The following EFCAB5 variants were observed in gnomAD, a reference collection of about 807,000 sequenced individuals.
The protein encoded by EFCAB5 is EF-hand calcium binding domain 5, also known as EF-hand calcium-binding domain-containing protein 5.
EFCAB5 carries 131 observed loss-of-function variants against 167.9 expected under a neutral mutation model. The observed-to-expected ratio is 0.78, with a 90% CI of 0.68 to 0.90. The LOEUF (loss-of-function observed/expected upper bound fraction) is 0.90. Among genes scored for constraint, EFCAB5 ranks in the 40% least tolerant of loss-of-function variants. The pLI is 0.00. For missense variants in EFCAB5, 1,663 were observed against 1,745.2 expected (o/e 0.95, Z 0.84); for synonymous variants, 574 against 602.8 (o/e 0.95, Z 0.70).
rs368373618 is a variant in EFCAB5, at chr17:30,051,096, A to G, written c.1201-22A>G. 3.7e-6 allele frequency: 6 copies of G among 1,611,840 alleles called. No individual in the cohort carries two copies. In the African/African-American group the frequency reaches 8.0e-5, roughly 22 times the overall value. Reference sequence around the variant, plus strand: ...CTTAAATCTCCTGTAACAACTAATCACAAACTTTCTTCTTTGCTTAGGTAG... The same window carrying G: ...CTTAAATCTCCTGTAACAACTAATCGCAAACTTTCTTCTTTGCTTAGGTAG... On this transcript the variant is annotated intron_variant, in intron 8 of 22. Transcript: ENST00000394835.
At position 30,054,059 on chromosome 17, in the gene EFCAB5, C is replaced by T. The variant is rs766734200; in HGVS notation, c.2105C>T (p.Ser702Phe). 4 of 1,599,126 alleles carry T rather than the reference C, an allele frequency of 2.5e-6. No individual in the cohort carries two copies. Among genetic ancestry groups the T allele is most frequent in the Admixed American group, 3.5e-5 (2 of 56,968 alleles). ...YIEVPLQEKR[S>F]WEQTYEEEIF... ...GAAGTCCCTCTACAGGAAAAGAGGT[C>T]TTGGGAACAAACATATGAAGAGGAA... The change falls in exon 10 of 23, where the codon TCT becomes TTT. Residue 702 changes from serine to phenylalanine, a missense_variant. By Grantham distance (155) the Ser-to-Phe change is radical. Coordinates refer to ENST00000394835, the MANE Select transcript of EFCAB5 (RefSeq NM_198529.4).
intron 22 of EFCAB5, 56 bp downstream of exon 22, chr17:30,092,992 T>C: frequency 2.2e-6 from 3 of 1,388,810 alleles, no homozygotes; most frequent in Non-Finnish European, 3.0e-6. Flanking sequence ...AAAACACAGT[T>C]GTGATTTTTA....
At chr17:30,007,893 C>T (rs1160698480) in intron 7 of EFCAB5, among the ~76,000 whole-genome samples, 1 of 151,546 alleles carries the variant, frequency 6.6e-6, no homozygotes, top group Non-Finnish European at 1.5e-5. Flanking sequence ...AGGCTGAGAC[C>T]TAGGAGGATT....
intron 4 of EFCAB5, among the ~76,000 whole-genome samples, chr17:29,974,995 C>A (rs1443826102): frequency 6.6e-6 from 1 of 151,690 alleles, no homozygotes; most frequent in African/African-American, 2.4e-5. Flanking sequence ...AGTTCAAGAC[C>A]AGCTTGGGCA....
At chr17:30,069,843 C>T (rs1043213580) in intron 14 of EFCAB5, among the ~76,000 whole-genome samples, 3 of 152,178 alleles carry the variant, frequency 2.0e-5, no homozygotes, top group Non-Finnish European at 4.4e-5. Context: ...CAGCCCATTT[C>T]GCAGCTGAAA....
intron 18 of EFCAB5, among the ~76,000 whole-genome samples, chr17:30,086,590 A>G (rs2071092263): frequency 8.6e-6 from 1 of 116,812 alleles, no homozygotes; most frequent in Non-Finnish European, 2.0e-5. Context: ...TACTAAAGAT[A>G]CAAAAAAAAA....
rs1044147795 is a variant in EFCAB5, at chr17:30,024,932, G to T, written c.1045-9298G>T. Among the ~76,000 whole-genome samples the T allele has an allele frequency of 1.7e-4, 26 of 151,034 alleles. 1 individual carries two copies. The highest frequency in any genetic ancestry group is 1.4e-3 in the Admixed American group (21 of 15,206). ...AAACCTGAGAAAAACAAGCAATGGG[G>T]AAAGGATTCCCTATTTAATCAATGG... is the stretch of plus-strand genomic sequence containing the variant. On this transcript the variant is annotated intron_variant, in intron 7 of 22. Transcript: ENST00000394835.
At chr17:30,017,335 A>G (rs1443160547) in intron 7 of EFCAB5, among the ~76,000 whole-genome samples, 1 of 152,190 alleles carries the variant, frequency 6.6e-6, no homozygotes, top group Non-Finnish European at 1.5e-5. Context: ...GTGATACAGG[A>G]CCATTAAAAA....
intron 4 of EFCAB5, among the ~76,000 whole-genome samples, chr17:29,977,978 T>G (rs1399886217): frequency 6.6e-6 from 1 of 152,184 alleles, no homozygotes; most frequent in Non-Finnish European, 1.5e-5. Context: ...TTTGTATTTT[T>G]TTTAAAAAAA....
chr17:30,100,793 AG>A (rs1443536535), intron 22 of EFCAB5, among the ~76,000 whole-genome samples: 8 of 152,294 alleles, frequency 5.3e-5, no homozygotes, highest in Admixed American at 3.9e-4. Context: ...ATTTAAGCAA[AG>A]ATGTGAAGGA....
At chr17:30,092,743 A>C in intron 21 of EFCAB5, 97 bp from the exon 22 acceptor site, 1 of 789,296 alleles carries the variant, frequency 1.3e-6, no homozygotes, top group Non-Finnish European at 2.0e-6. Flanking sequence ...GCCTATTTTA[A>C]AATCTATATA....
At chr17:29,954,825 C>A (rs1251282387) in intron 3 of EFCAB5, among the ~76,000 whole-genome samples, 2 of 152,214 alleles carry the variant, frequency 1.3e-5, no homozygotes, top group African/African-American at 4.8e-5. Context: ...GGAGCTGTAC[C>A]CTGCAAAGCC....
rs375921550 is a variant in EFCAB5, at chr17:30,082,934, G to C, written c.3470G>C (p.Ser1157Thr). 1.9e-5 allele frequency: 31 copies of C among 1,613,782 alleles called. No individual in the cohort carries two copies. Among genetic ancestry groups the C allele is most frequent in the Non-Finnish European group, 2.6e-5 (31 of 1,179,882 alleles). Residue 1157 changes from serine (S) to threonine (T), a missense_variant, in exon 18 of 23, where the codon AGC becomes ACC. By Grantham distance (58) the Ser-to-Thr change is moderately conservative. Coordinates refer to ENST00000394835, the MANE Select transcript of EFCAB5 (RefSeq NM_198529.4). ...VFSTAYHYVH[S>T]REHILHIVIT... ...AGCACTGCCTATCACTACGTCCACA[G>C]CCGGGAGCACATTCTGCATATTGTG...
intron 17 of EFCAB5, 96 bp downstream of exon 17, chr17:30,081,077 G>A (rs2070980302): frequency 2.2e-6 from 2 of 925,992 alleles, no homozygotes; most frequent in Non-Finnish European, 1.6e-6. Flanking sequence ...GAGTAAAGCT[G>A]TGTATACAGA....
intron 8 of EFCAB5, among the ~76,000 whole-genome samples, chr17:30,043,442 GACT>G (rs778145662): frequency 3.3e-5 from 5 of 151,798 alleles, no homozygotes; most frequent in Non-Finnish European, 5.9e-5. Flanking sequence ...TGTATTCACA[GACT>G]ACATGATCTT....
At chr17:29,953,777 C>T (rs1232452549) in intron 3 of EFCAB5, among the ~76,000 whole-genome samples, 2 of 152,208 alleles carry the variant, frequency 1.3e-5, no homozygotes, top group Admixed American at 1.3e-4. Flanking sequence ...GAGGTTGGAA[C>T]AGTTTGTAGA....
intron 1 of EFCAB5, 30 bp from the exon 2 acceptor site, chr17:29,942,210 T>A (rs1196166517): frequency 2.6e-6 from 4 of 1,549,838 alleles, no homozygotes; most frequent in Admixed American, 2.1e-5. Flanking sequence ...TCTTTTTGGA[T>A]GCCATTTACT....
intron 4 of EFCAB5, among the ~76,000 whole-genome samples, chr17:29,980,397 C>G (rs1398306727): frequency 6.6e-6 from 1 of 152,218 alleles, no homozygotes; most frequent in African/African-American, 2.4e-5. Flanking sequence ...ACTTCCCACA[C>G]ATTTTTTAAC....
intron 22 of EFCAB5, among the ~76,000 whole-genome samples, chr17:30,103,877 C>A (rs1284496807): frequency 6.6e-6 from 1 of 152,058 alleles, no homozygotes; most frequent in Non-Finnish European, 1.5e-5. Flanking sequence ...ATTAGCCAGG[C>A]GTGCATGCCT....
Sources: gnomAD v4.1 joint callset for allele counts (sites outside exome capture counted in the v4.1 genomes callset) on GRCh38, gnomAD v4.1.1 for gene constraint, MANE v1.5 for transcripts, NCBI Gene and HGNC (gene_info 2026-07-23, HGNC 2026-07-21) for gene names.